ATF6: variants seen among roughly 807,000 people sequenced by gnomAD.
ATF6 encodes cyclic AMP-dependent transcription factor ATF-6 alpha.
ATF6 carries 53 observed loss-of-function variants against 83.6 expected under a neutral mutation model. That is an observed-to-expected ratio of 0.63 (90% CI 0.51 to 0.80). ATF6 has a LOEUF of 0.80. Among genes scored for constraint, ATF6 ranks in the 30% least tolerant of loss-of-function variants. ATF6 has a pLI of 0.00. For synonymous variants in ATF6, 288 were observed against 285.8 expected, an observed-to-expected ratio of 1.01 and a Z score of -0.08; for missense variants, 744 against 797.9, an observed-to-expected ratio of 0.93 and a Z score of 0.81.
intron 15 of ATF6, among the ~76,000 whole-genome samples, chr1:161,932,477 T>G (rs1157400430): frequency 6.6e-6 from 1 of 152,192 alleles, no homozygotes; most frequent in Non-Finnish European, 1.5e-5. Flanking sequence ...ATAACAATTT[T>G]CAAAGCTAAA....
chr1:161,822,185 T>C (rs1421100769), intron 9 of ATF6, among the ~76,000 whole-genome samples: 1 of 152,122 alleles, frequency 6.6e-6, no homozygotes, highest in Non-Finnish European at 1.5e-5. Flanking sequence ...GACAGACAGA[T>C]AATGTTAGTG....
At chr1:161,851,274 A>ACACACACACACACACACC (rs1264016372) in intron 10 of ATF6, among the ~76,000 whole-genome samples, 1 of 144,132 alleles carries the variant, frequency 6.9e-6, no homozygotes, top group Non-Finnish European at 1.5e-5. Context: ...ACACACACAC[A>ACACACACACACACACACC]CCCCTACCTG....
intron 15 of ATF6, among the ~76,000 whole-genome samples, chr1:161,914,288 C>T (rs557994514): frequency 6.6e-6 from 1 of 152,284 alleles, no homozygotes; most frequent in Admixed American, 6.5e-5. Flanking sequence ...AAGTCTGCAG[C>T]AGGGCAGGTG....
intron 14 of ATF6, among the ~76,000 whole-genome samples, chr1:161,868,522 T>G (rs1243271626): frequency 6.6e-6 from 1 of 152,174 alleles, no homozygotes; most frequent in Non-Finnish European, 1.5e-5. Flanking sequence ...AAATATCGTA[T>G]GCTTTTGTGA....
intron 1 of ATF6, among the ~76,000 whole-genome samples, chr1:161,769,359 A>G (rs1557950159): frequency 6.6e-6 from 1 of 152,228 alleles, no homozygotes; most frequent in African/African-American, 2.4e-5. Flanking sequence ...AACATCTTGC[A>G]TTAGTGTGGT....
chr1:161,815,887 C>T (rs1352353516), intron 7 of ATF6, among the ~76,000 whole-genome samples: 1 of 152,188 alleles, frequency 6.6e-6, no homozygotes, highest in South Asian at 2.1e-4. Flanking sequence ...CTGCAGTAAG[C>T]TGCAATTGTG....
intron 14 of ATF6, among the ~76,000 whole-genome samples, chr1:161,911,127 C>G (rs1687983341): frequency 6.6e-6 from 1 of 152,122 alleles, no homozygotes; most frequent in African/African-American, 2.4e-5. Flanking sequence ...GTATCAGATC[C>G]TACTTTTTGA....
At chr1:161,866,158 G>A (rs1686993465) in intron 14 of ATF6, among the ~76,000 whole-genome samples, 2 of 152,206 alleles carry the variant, frequency 1.3e-5, no homozygotes. Flanking sequence ...TTTCGGCTTA[G>A]CATGAACCAG....
intron 9 of ATF6, among the ~76,000 whole-genome samples, chr1:161,826,481 G>T (rs1248813168): frequency 6.6e-6 from 1 of 152,112 alleles, no homozygotes; most frequent in African/African-American, 2.4e-5. Context: ...AGAAAGAGGG[G>T]ATTAAAAATC....
chr1:161,871,884 T>TAC (rs1687131299), intron 14 of ATF6, among the ~76,000 whole-genome samples: 1 of 151,546 alleles, frequency 6.6e-6, no homozygotes, highest in African/African-American at 2.4e-5. Context: ...TAGAAAGCTG[T>TAC]AGTATTGCTT....
Position 161,961,558 on chromosome 1 carries a change from C to A in ATF6, c.*2904C>A, listed in dbSNP as rs1689098542. ...AGGCCCTTTAGGAAATGAGAAGTTG[C>A]CATGCCAGATTAATTTTTTTTTTTT... On this transcript the variant is annotated 3_prime_UTR_variant, in exon 16 of 16. Transcript: ENST00000367942. The A allele has an allele frequency of 4.7e-5, 7 of 150,536 alleles. No homozygotes were observed. The highest frequency in any genetic ancestry group is 1.7e-4 in the African/African-American group (7 of 40,232). The allele number at this position is 150,536 out of a possible 1,614,324, so 9.3% of individuals were successfully genotyped here.
intron 14 of ATF6, among the ~76,000 whole-genome samples, chr1:161,906,753 C>T (rs533281200): frequency 1.3e-5 from 2 of 152,104 alleles, no homozygotes; most frequent in African/African-American, 4.8e-5. Context: ...GGCTGACATG[C>T]GTATTAATGG....
At chr1:161,778,639 C>T (rs2101723817) in intron 2 of ATF6, among the ~76,000 whole-genome samples, 1 of 152,260 alleles carries the variant, frequency 6.6e-6, no homozygotes, top group Non-Finnish European at 1.5e-5. Context: ...TTGGAAAAGT[C>T]ACTAACCTGC....
intron 15 of ATF6, among the ~76,000 whole-genome samples, chr1:161,922,572 T>C (rs1688232730): frequency 6.6e-6 from 1 of 152,020 alleles, no homozygotes; most frequent in South Asian, 2.1e-4. Flanking sequence ...TCATGAAATA[T>C]GGTGGGAGTC....
At chr1:161,816,512 G>T (rs1291676877) in intron 7 of ATF6, among the ~76,000 whole-genome samples, 1 of 152,176 alleles carries the variant, frequency 6.6e-6, no homozygotes, top group Non-Finnish European at 1.5e-5. Context: ...TGTTGTGTAA[G>T]TATCACTGGA....
chr1:161,820,742 G>T (rs576402067), intron 8 of ATF6, among the ~76,000 whole-genome samples: 6 of 152,016 alleles, frequency 3.9e-5, no homozygotes, highest in South Asian at 2.1e-4. Context: ...GTGACACTCC[G>T]TCTCAAAAAA....
intron 4 of ATF6, among the ~76,000 whole-genome samples, chr1:161,789,935 A>G (rs553834659): frequency 2.6e-5 from 4 of 152,284 alleles, no homozygotes; most frequent in Non-Finnish European, 4.4e-5. Context: ...GGAAGATGCA[A>G]TTGTCACTTG....
At chr1:161,855,637 TTG>T (rs1686740139) in intron 12 of ATF6, among the ~76,000 whole-genome samples, 1 of 151,890 alleles carries the variant, frequency 6.6e-6, no homozygotes. Flanking sequence ...ACATTACAGG[TTG>T]AAAGAGAAAG....
At chr1:161,941,576 G>T (rs932382818) in intron 15 of ATF6, among the ~76,000 whole-genome samples, 1 of 152,100 alleles carries the variant, frequency 6.6e-6, no homozygotes, top group Admixed American at 6.6e-5. Context: ...GCCTTTAGCC[G>T]GGCTCCGCTC....
Sources: allele counts gnomAD v4.1 joint callset (sites outside exome capture counted in the v4.1 genomes callset), GRCh38; gene constraint gnomAD v4.1.1; transcripts MANE v1.5; gene names NCBI Gene and HGNC (gene_info 2026-07-23, HGNC 2026-07-21).